The following TTC23 variants were observed in gnomAD, a reference collection of about 807,000 sequenced individuals.
TTC23 encodes tetratricopeptide repeat protein 23.
In TTC23, 58 loss-of-function variants were observed where a neutral mutation model predicts 55.1. The observed-to-expected ratio is 1.05, with a 90% CI of 0.85 to 1.31. The LOEUF (loss-of-function observed/expected upper bound fraction) is 1.31. Ranked by LOEUF, TTC23 falls within the 50% of genes most tolerant of loss-of-function variation. The pLI is 0.00. For synonymous variants in TTC23, 203 were observed against 199.9 expected (o/e 1.02, Z -0.13); for missense variants, 516 against 534.4 (o/e 0.97, Z 0.34).
chr15:99,176,299 A>ATG (rs1381474851), intron 9 of TTC23, among the ~76,000 whole-genome samples: 1 of 152,214 alleles, frequency 6.6e-6, no homozygotes, highest in East Asian at 1.9e-4. Context: ...AATTGCCAAA[A>ATG]GAGTGACAGA....
At chr15:99,182,537 C>T (rs2074253643) in intron 9 of TTC23, among the ~76,000 whole-genome samples, 2 of 152,034 alleles carry the variant, frequency 1.3e-5, no homozygotes, top group Non-Finnish European at 2.9e-5. Flanking sequence ...ATATTTTCTC[C>T]TCTTTGACAT....
rs782193490 is a variant in TTC23 at position 99,138,142 on chromosome 15, A to C, written c.1227-15T>G. The C allele has an allele frequency of 3.1e-6, 5 of 1,611,768 alleles. No homozygotes were observed. Reference sequence around the variant, plus strand: ...CCTTGGGGGCCCTGCAGACAAGCAGAGGGTGGGGTGAGTGTGGTGCCCCTC... The same window carrying C: ...CCTTGGGGGCCCTGCAGACAAGCAGCGGGTGGGGTGAGTGTGGTGCCCCTC... On this transcript the variant is annotated splice_polypyrimidine_tract_variant and intron_variant, in intron 13 of 13. Transcript: ENST00000394132.
intron 8 of TTC23, among the ~76,000 whole-genome samples, chr15:99,209,100 A>C (rs1169464649): frequency 6.6e-6 from 1 of 152,232 alleles, no homozygotes; most frequent in Non-Finnish European, 1.5e-5. Context: ...AATTCTACAG[A>C]GCACAAGAGG....
chr15:99,212,793 G>A (rs1202458568), intron 8 of TTC23, among the ~76,000 whole-genome samples: 3 of 151,912 alleles, frequency 2.0e-5, no homozygotes, highest in African/African-American at 7.3e-5. Flanking sequence ...AGCCCAGCCT[G>A]GGCAATATAG....
At chr15:99,188,733 T>C (rs757734276) in intron 9 of TTC23, among the ~76,000 whole-genome samples, 2 of 152,028 alleles carry the variant, frequency 1.3e-5, no homozygotes, top group African/African-American at 4.8e-5. Flanking sequence ...TTAAAAAATA[T>C]AAATGCAAAT....
At chr15:99,146,145 A>G (rs1045157932) in intron 12 of TTC23, among the ~76,000 whole-genome samples, 2 of 152,234 alleles carry the variant, frequency 1.3e-5, no homozygotes, top group Non-Finnish European at 2.9e-5. Context: ...CGACTGCAAT[A>G]CAAATATTTA....
chr15:99,218,592 C>T lies in TTC23; in HGVS notation c.577G>A (p.Ala193Thr). 6.2e-7 allele frequency: 1 copy of T among 1,614,150 alleles called. No homozygotes were observed. The highest frequency in any genetic ancestry group is 8.5e-7 in the Non-Finnish European group (1 of 1,180,012). Residue 193 changes from alanine to threonine, a missense_variant, in exon 8 of 14, where the codon GCA becomes ACA. Transcript: ENST00000394132. ...EIEARIRLSF[A>T]QVYQGQKKSK... ...AATCCTAAACTTGAAACTTACTGTGCAAATGATAATCTGATCCGTGCTTCA... is the reference window on the plus strand; with the variant it reads ...AATCCTAAACTTGAAACTTACTGTGTAAATGATAATCTGATCCGTGCTTCA...
At chr15:99,235,633 G>A (rs777976349) in intron 3 of TTC23, among the ~76,000 whole-genome samples, 3 of 152,174 alleles carry the variant, frequency 2.0e-5, no homozygotes, top group Non-Finnish European at 2.9e-5. Context: ...GCCTCCCAAA[G>A]TGCTGGGATT....
At chr15:99,238,902 A>T (rs951534920) in intron 3 of TTC23, among the ~76,000 whole-genome samples, 8 of 152,062 alleles carry the variant, frequency 5.3e-5, no homozygotes, top group Admixed American at 5.2e-4. Context: ...TGACCATGAG[A>T]TTATCTTTTT....
chr15:99,157,551 G>A (rs569760490), intron 11 of TTC23: 1 of 151,994 alleles, frequency 6.6e-6, no homozygotes, highest in Non-Finnish European at 1.5e-5. Flanking sequence ...TTCTCCCTCT[G>A]TCCACAATGC....
At chr15:99,139,511 A>C (rs1424466063) in intron 12 of TTC23, 112 bp from the exon 13 acceptor site, 1 of 1,558,666 alleles carries the variant, frequency 6.4e-7, no homozygotes, top group Non-Finnish European at 8.7e-7. Flanking sequence ...CCCTGCTGTG[A>C]TGGAATTAGC....
At chr15:99,187,803 C>T (rs943606008) in intron 9 of TTC23, among the ~76,000 whole-genome samples, 1 of 151,986 alleles carries the variant, frequency 6.6e-6, no homozygotes, top group African/African-American at 2.4e-5. Flanking sequence ...TCACTTCATA[C>T]TTACTACAAT....
At chr15:99,156,346 T>C (rs761731749) in intron 11 of TTC23, 49 bp from the exon 12 acceptor site, 38 of 1,599,998 alleles carry the variant, frequency 2.4e-5, no homozygotes, top group Non-Finnish European at 3.0e-5. Flanking sequence ...AAAGGCTGAT[T>C]AGGATCATTA....
At chr15:99,217,871 T>A (rs1394882823) in intron 8 of TTC23, among the ~76,000 whole-genome samples, 2 of 152,186 alleles carry the variant, frequency 1.3e-5, no homozygotes, top group Non-Finnish European at 2.9e-5. Context: ...AACCTACACA[T>A]ACAATCTAGT....
intron 8 of TTC23, among the ~76,000 whole-genome samples, chr15:99,204,632 G>GTCTTTTT (rs2076455958): frequency 1.6e-5 from 1 of 60,892 alleles, no homozygotes; most frequent in Non-Finnish European, 2.8e-5. Context: ...TAGATTTAAG[G>GTCTTTTT]TTTTTTTTTT....
intron 12 of TTC23, among the ~76,000 whole-genome samples, chr15:99,155,062 G>A (rs2070350797): frequency 6.6e-6 from 1 of 152,154 alleles, no homozygotes; most frequent in Non-Finnish European, 1.5e-5. Flanking sequence ...AAACCTGGGA[G>A]ACTCAATGAT....
intron 8 of TTC23, among the ~76,000 whole-genome samples, chr15:99,208,689 A>G (rs1223539106): frequency 6.6e-6 from 1 of 151,562 alleles, no homozygotes; most frequent in Non-Finnish European, 1.5e-5. Context: ...CACTATTCAC[A>G]TAAAAGAAAA....
At chr15:99,220,626 A>G (rs2077845173) in intron 6 of TTC23, among the ~76,000 whole-genome samples, 3 of 152,344 alleles carry the variant, frequency 2.0e-5, no homozygotes, top group Middle Eastern at 3.4e-3. Flanking sequence ...GTCTATAATC[A>G]GATTTGGCCA....
intron 8 of TTC23, among the ~76,000 whole-genome samples, chr15:99,202,358 T>C (rs2623178): frequency 0.27 from 40,852 of 152,028 alleles, 6,153 homozygotes; most frequent in African/African-American, 0.41. Flanking sequence ...AATGGATCCT[T>C]TGTTTCCCAG....
Sources: allele counts gnomAD v4.1 joint callset (sites outside exome capture counted in the v4.1 genomes callset), GRCh38; gene constraint gnomAD v4.1.1; transcripts MANE v1.5; gene names NCBI Gene and HGNC (gene_info 2026-07-23, HGNC 2026-07-21).